Variants in NREP observed in about 807,000 individuals in gnomAD.
NREP encodes neuronal regeneration related protein, also known as neuronal regeneration-related protein.
NREP carries 5 observed loss-of-function variants against 8.6 expected under a neutral mutation model. The observed-to-expected ratio is 0.58, with a 90% CI of 0.30 to 1.22. The LOEUF (loss-of-function observed/expected upper bound fraction) is 1.22, where lower values mean the gene tolerates loss of function less well. Among genes scored for constraint, NREP ranks in the 50% most tolerant of loss-of-function variants. The pLI is 0.07. For missense variants in NREP, 86 were observed against 82.5 expected (o/e 1.04, Z -0.17); for synonymous variants, 27 against 28.0 (o/e 0.96, Z 0.11).
At chr5:111,948,458 G>A (rs1756051917) in intron 2 of NREP, among the ~76,000 whole-genome samples, 1 of 152,094 alleles carries the variant, frequency 6.6e-6, no homozygotes, top group Non-Finnish European at 1.5e-5. Flanking sequence ...CACTTTGGCA[G>A]TATTTGGTTC....
chr5:111,924,458 GAAA>G, intron 2 of NREP, among the ~76,000 whole-genome samples: 1 of 147,032 alleles, frequency 6.8e-6, no homozygotes, highest in South Asian at 2.2e-4. Context: ...AGTGGTATGA[GAAA>G]AAAAAAAAAG....
At chr5:111,847,257 G>A (rs1325028784) in intron 2 of NREP, among the ~76,000 whole-genome samples, 1 of 152,094 alleles carries the variant, frequency 6.6e-6, no homozygotes, top group Non-Finnish European at 1.5e-5. Context: ...TGGGTTCTAT[G>A]TGAGGGTCCT....
At chr5:111,932,502 T>C (rs1257169380) in intron 2 of NREP, among the ~76,000 whole-genome samples, 3 of 152,116 alleles carry the variant, frequency 2.0e-5, no homozygotes, top group African/African-American at 4.8e-5. Context: ...GTGCAGTTAG[T>C]AGCAAGTAGG....
At chr5:111,829,807 C>G (rs1029142136) in intron 2 of NREP, among the ~76,000 whole-genome samples, 1 of 152,044 alleles carries the variant, frequency 6.6e-6, no homozygotes, top group African/African-American at 2.4e-5. Flanking sequence ...TTTATCCAAC[C>G]CATTCCTAGC....
chr5:111,734,792 A>G (rs1262614229), intron 3 of NREP: 1 of 688,320 alleles, frequency 1.5e-6, no homozygotes, highest in Admixed American at 2.0e-5. Flanking sequence ...CCCCGCTTGA[A>G]GTCAAACAAG....
At chr5:111,969,022 A>G (rs924294635) in intron 2 of NREP, among the ~76,000 whole-genome samples, 6 of 152,222 alleles carry the variant, frequency 3.9e-5, no homozygotes, top group Non-Finnish European at 8.8e-5. Flanking sequence ...GCATCCAGAG[A>G]GTATAAAGGA....
chr5:111,861,236 CA>C (rs1175976725), intron 2 of NREP, among the ~76,000 whole-genome samples: 2 of 152,088 alleles, frequency 1.3e-5, no homozygotes. Flanking sequence ...TGCAAACAGC[CA>C]GGTATGCAGC....
At position 111,757,149 on chromosome 5, in the gene NREP, G is replaced by T. The variant is rs1036326107; in HGVS notation, c.-72C>A. ...GCATATACTTACAGACAAAAGCCCC[G>T]CTCCCTGTTCACTCTCTCTCCTCTC... On this transcript the variant is annotated 5_prime_UTR_variant, in exon 1 of 4. Transcript: ENST00000257435. The T allele has an allele frequency of 2.1e-6, 2 of 974,612 alleles. No homozygotes were observed. Among genetic ancestry groups the T allele is most frequent in the Non-Finnish European group, 2.4e-6 (2 of 822,862 alleles). The allele number at this position is 974,612 out of a possible 1,614,324, so 60.4% of individuals were successfully genotyped here. A position where few individuals can be genotyped will look rare whatever the true frequency, so the allele number is the denominator to read the frequency against.
chr5:111,951,500 G>C (rs552194658), intron 2 of NREP, among the ~76,000 whole-genome samples: 28 of 152,156 alleles, frequency 1.8e-4, no homozygotes, highest in African/African-American at 6.5e-4. Context: ...CTGTGGCAGA[G>C]TTGAGCAGTT....
chr5:111,828,792 A>C (rs1302123853), intron 2 of NREP, among the ~76,000 whole-genome samples: 1 of 152,194 alleles, frequency 6.6e-6, no homozygotes, highest in Admixed American at 6.5e-5. Context: ...ACATTCAACA[A>C]ATATTGAATA....
chr5:111,865,791 T>G (rs1391064929), intron 2 of NREP, among the ~76,000 whole-genome samples: 2 of 152,092 alleles, frequency 1.3e-5, no homozygotes, highest in Non-Finnish European at 2.9e-5. Flanking sequence ...TACAAAGCAC[T>G]GAAATTAATT....
chr5:111,959,041 T>A (rs551808203), intron 2 of NREP, among the ~76,000 whole-genome samples: 1 of 151,834 alleles, frequency 6.6e-6, no homozygotes, highest in African/African-American at 2.4e-5. Flanking sequence ...TTCTACCTCA[T>A]ACAAGAAAAA....
chr5:111,784,386 A>G (rs1554099012), intron 2 of NREP, among the ~76,000 whole-genome samples: 1 of 152,188 alleles, frequency 6.6e-6, no homozygotes, highest in Non-Finnish European at 1.5e-5. Context: ...AGAAGCATGA[A>G]TCTTTGGTGG....
chr5:111,837,104 A>T (rs1013346227), intron 2 of NREP, among the ~76,000 whole-genome samples: 3 of 151,968 alleles, frequency 2.0e-5, no homozygotes, highest in South Asian at 2.1e-4. Flanking sequence ...GAAAAATAAA[A>T]TTTTTTTTGG....
intron 2 of NREP, among the ~76,000 whole-genome samples, chr5:111,784,365 C>T (rs191070084): frequency 7.9e-5 from 12 of 151,954 alleles, no homozygotes; most frequent in African/African-American, 2.9e-4. Flanking sequence ...TGTAGAAATA[C>T]AGTAAAGAAA....
At chr5:111,758,600 T>C (rs1320856671), upstream of NREP, among the ~76,000 whole-genome samples, 2 of 152,058 alleles carry the variant, frequency 1.3e-5, no homozygotes, top group Non-Finnish European at 2.9e-5. Flanking sequence ...GAAAAAAAGA[T>C]ATAAAGGATC....
At chr5:111,798,455 T>G (rs1751922513) in intron 2 of NREP, among the ~76,000 whole-genome samples, 1 of 152,146 alleles carries the variant, frequency 6.6e-6, no homozygotes, top group South Asian at 2.1e-4. Flanking sequence ...GAGATTTTGG[T>G]GCACCCATCA....
At chr5:111,755,595 A>C in intron 2 of NREP, 175 bp downstream of exon 2, 2 of 672,764 alleles carry the variant, frequency 3.0e-6, no homozygotes, top group South Asian at 1.9e-5. Context: ...GCCACATCCA[A>C]TTCACATAAA....
chr5:111,785,933 T>A (rs1171040346), intron 2 of NREP, among the ~76,000 whole-genome samples: 1 of 152,034 alleles, frequency 6.6e-6, no homozygotes, highest in Non-Finnish European at 1.5e-5. Flanking sequence ...AGAGAGAGTA[T>A]GAAAACAAGA....
Sources: allele counts gnomAD v4.1 joint callset (sites outside exome capture counted in the v4.1 genomes callset), GRCh38; gene constraint gnomAD v4.1.1; transcripts MANE v1.5; gene names NCBI Gene and HGNC (gene_info 2026-07-23, HGNC 2026-07-21).